Variants in DIAPH3 observed in about 807,000 individuals in gnomAD.
The protein encoded by DIAPH3 is diaphanous related formin 3, also known as protein diaphanous homolog 3.
DIAPH3 carries 117 observed loss-of-function variants against 144.3 expected under a neutral mutation model. The ratio of observed to expected loss-of-function variants is 0.81; its 90% CI spans 0.70 to 0.95. The LOEUF (loss-of-function observed/expected upper bound fraction) is 0.95, where lower values mean the gene tolerates loss of function less well. DIAPH3 is among the 40% of genes least tolerant of loss of function. The pLI is 0.00. For missense variants in DIAPH3, 1,421 were observed against 1,412.7 expected (o/e 1.01, Z -0.09); for synonymous variants, 519 against 488.9 (o/e 1.06, Z -0.81).
intron 2 of DIAPH3, among the ~76,000 whole-genome samples, chr13:60,132,087 G>T (rs958502945): frequency 1.3e-5 from 2 of 152,028 alleles, no homozygotes; most frequent in African/African-American, 4.8e-5. Flanking sequence ...GCTTTTCTTA[G>T]GTACTATTCA....
In DIAPH3 at chr13:59,980,852, G is replaced by T; in HGVS notation, c.1488C>A (p.Cys496Ter). The T allele has an allele frequency of 6.2e-7, 1 of 1,608,538 alleles. No homozygotes were observed. Among genetic ancestry groups the T allele is most frequent in the Non-Finnish European group, 8.5e-7 (1 of 1,176,964 alleles). ...ACTCTTCTAGTTTTGCTTGATCTAT[G>T]CAAATGTCTAAAATTGCAATGACAG... ...DLDLTQFVDI[C>*]IDQAKLEEFE... Residue 496 changes from cysteine to a stop codon, truncating the protein, a stop_gained, in exon 14 of 28, where the codon TGC becomes TGA. Coordinates refer to ENST00000400324, the MANE Select transcript of DIAPH3 (RefSeq NM_001042517.2). LOFTEE classifies it high-confidence loss of function.
chr13:60,092,512 G>T (rs1455598231), intron 4 of DIAPH3, among the ~76,000 whole-genome samples: 1 of 152,122 alleles, frequency 6.6e-6, no homozygotes, highest in Non-Finnish European at 1.5e-5. Context: ...ATTTCCAGGC[G>T]TGGTGGCAGG....
chr13:60,087,659 T>C (rs2137860908), intron 4 of DIAPH3, among the ~76,000 whole-genome samples: 1 of 152,228 alleles, frequency 6.6e-6, no homozygotes, highest in African/African-American at 2.4e-5. Flanking sequence ...TCCAAAACTT[T>C]TCTAATAAAT....
chr13:59,907,750 A>G lies in DIAPH3; in HGVS notation c.2367+3985T>C, dbSNP rs1333465509. Among the ~76,000 whole-genome samples, 7 of 152,234 alleles carry G rather than the reference A, an allele frequency of 4.6e-5. No individual in the cohort carries two copies. The South Asian group carries it at 1.4e-3, about 31-fold the overall frequency. On this transcript the variant is annotated intron_variant, in intron 20 of 27. Coordinates refer to ENST00000400324, the MANE Select transcript of DIAPH3 (RefSeq NM_001042517.2). ...AGGTAACTTAAGTTTCTGAATTACT[A>G]TATAAGTGACAGATGAACAACTAAG...
chr13:59,851,245 C>A (rs1200117365), intron 22 of DIAPH3, among the ~76,000 whole-genome samples: 1 of 152,170 alleles, frequency 6.6e-6, no homozygotes, highest in African/African-American at 2.4e-5. Context: ...CTGACCTTAT[C>A]TCCTATTATG....
chr13:59,782,224 T>C (rs899867907), intron 25 of DIAPH3, among the ~76,000 whole-genome samples: 1 of 152,162 alleles, frequency 6.6e-6, no homozygotes, highest in African/African-American at 2.4e-5. Flanking sequence ...CTGGCCATTC[T>C]GTTGGCCATC....
Position 59,992,083 on chromosome 13 carries a change from A to G in DIAPH3, c.1229T>C (p.Ile410Thr), listed in dbSNP as rs1245035800. The G allele has an allele frequency of 1.9e-6, 3 of 1,611,524 alleles. No individual in the cohort carries two copies. The highest frequency in any genetic ancestry group is 2.5e-6 in the Non-Finnish European group (3 of 1,178,464). The change falls in exon 11 of 28, where the codon ATT (isoleucine) becomes ACT (threonine). Residue 410 changes from isoleucine to threonine, a missense_variant. Coordinates refer to ENST00000400324, the MANE Select transcript of DIAPH3 (RefSeq NM_001042517.2). ...LFELSHRLED[I>T]RAELDEAYDV... ...AAAAGGATATTCAAGTTCAGCTCTA[A>G]TATCTTCAAGGCGATGGGATAACTC...
chr13:59,790,262 G>T (rs182648342), intron 25 of DIAPH3, among the ~76,000 whole-genome samples: 400 of 152,236 alleles, frequency 2.6e-3, no homozygotes, highest in Non-Finnish European at 3.5e-3. Flanking sequence ...GATTCCAGGG[G>T]TTATTCTTTG....
intron 5 of DIAPH3, among the ~76,000 whole-genome samples, chr13:60,034,306 A>G (rs1196138076): frequency 6.6e-6 from 1 of 152,252 alleles, no homozygotes; most frequent in Non-Finnish European, 1.5e-5. Flanking sequence ...AAAGTTTATT[A>G]TATTCTACCT....
At chr13:59,706,006 G>A (rs1323124632) in intron 27 of DIAPH3, among the ~76,000 whole-genome samples, 2 of 151,456 alleles carry the variant, frequency 1.3e-5, no homozygotes, top group African/African-American at 4.9e-5. Context: ...AGTACCCATG[G>A]GGGATTGTTC....
chr13:59,765,166 A>G (rs1323505868), intron 27 of DIAPH3, among the ~76,000 whole-genome samples: 1 of 152,104 alleles, frequency 6.6e-6, no homozygotes, highest in African/African-American at 2.4e-5. Context: ...TTTTCTGCTA[A>G]ACTAGTTTAT....
At chr13:59,862,295 G>A (rs1181516453) in intron 21 of DIAPH3, among the ~76,000 whole-genome samples, 1 of 152,182 alleles carries the variant, frequency 6.6e-6, no homozygotes, top group Admixed American at 6.5e-5. Flanking sequence ...ATAATGGCAT[G>A]CAATGGAAGT....
chr13:59,856,302 A>G (rs1165763534), intron 22 of DIAPH3, among the ~76,000 whole-genome samples: 2 of 152,194 alleles, frequency 1.3e-5, no homozygotes, highest in Non-Finnish European at 2.9e-5. Context: ...AAGACCACTA[A>G]GCAAATGAGA....
chr13:60,029,129 T>C (rs1290342950), intron 5 of DIAPH3, among the ~76,000 whole-genome samples: 1 of 150,720 alleles, frequency 6.6e-6, no homozygotes, highest in African/African-American at 2.4e-5. Context: ...CCACCCCAAT[T>C]AACAGCACTA....
rs547110380 is a variant in DIAPH3 at position 59,746,550 on chromosome 13, C to T, written c.3319+27639G>A. Among the ~76,000 whole-genome samples the T allele has an allele frequency of 8.5e-5, 13 of 152,242 alleles. No homozygotes were observed. The South Asian group carries it at 2.7e-3, about 32-fold the overall frequency. The stretch of plus-strand genomic sequence containing the variant: ...CAGCTGGGTTTTGAATAGTCACCCT[C>T]AAGACTTTAACCCTGTTTTCACATT... On this transcript the variant is annotated intron_variant, in intron 27 of 27. Coordinates refer to ENST00000400324, the MANE Select transcript of DIAPH3 (RefSeq NM_001042517.2).
intron 27 of DIAPH3, among the ~76,000 whole-genome samples, chr13:59,725,749 A>G (rs2035576139): frequency 6.6e-6 from 1 of 152,214 alleles, no homozygotes. Context: ...TAGACCTTGC[A>G]AGCCTGACTT....
intron 8 of DIAPH3, among the ~76,000 whole-genome samples, chr13:60,009,156 G>C (rs2053078404): frequency 6.6e-6 from 1 of 151,904 alleles, no homozygotes. Context: ...AGTGATAGTC[G>C]AAAATATATA....
chr13:60,103,574 T>C lies in DIAPH3; in HGVS notation c.390+8436A>G, dbSNP rs758154026. Among the ~76,000 whole-genome samples the C allele has an allele frequency of 7.0e-4, 107 of 152,114 alleles. 1 individual carries two copies. The highest frequency in any genetic ancestry group is 9.8e-4 in the Admixed American group (15 of 15,274). On this transcript the variant is annotated intron_variant, in intron 3 of 27. Coordinates refer to ENST00000400324, the MANE Select transcript of DIAPH3 (RefSeq NM_001042517.2). ...TTATAATGGACCAATAAGCATAATA[T>C]TGGAAAATAAAAATTAGAAGCACTG...
At chr13:60,027,202 G>A (rs1451770215) in intron 5 of DIAPH3, among the ~76,000 whole-genome samples, 1 of 152,144 alleles carries the variant, frequency 6.6e-6, no homozygotes, top group Non-Finnish European at 1.5e-5. Flanking sequence ...CATGCCCTGT[G>A]GGGCAAGACA....
Sources: gnomAD v4.1 joint callset for allele counts (sites outside exome capture counted in the v4.1 genomes callset) on GRCh38, gnomAD v4.1.1 for gene constraint, MANE v1.5 for transcripts, NCBI Gene and HGNC (gene_info 2026-07-23, HGNC 2026-07-21) for gene names.